Variants in RPS6KC1 observed in about 807,000 individuals in gnomAD.
The protein encoded by RPS6KC1 is ribosomal protein S6 kinase C1.
In RPS6KC1, 54 loss-of-function variants were observed where a neutral mutation model predicts 103.8. The observed-to-expected ratio is 0.52, with a 90% CI of 0.42 to 0.65. The LOEUF is 0.65. Ranked by LOEUF, RPS6KC1 falls within the 30% of genes least tolerant of loss-of-function variation. The pLI is 0.00. For missense variants in RPS6KC1, 1,151 were observed against 1,253.8 expected (o/e 0.92, Z 1.24); for synonymous variants, 439 against 438.7 (o/e 1.00, Z -0.01).
At chr1:213,246,903 C>G (rs1443429257) in intron 12 of RPS6KC1, among the ~76,000 whole-genome samples, 1 of 151,864 alleles carries the variant, frequency 6.6e-6, no homozygotes, top group African/African-American at 2.4e-5. Flanking sequence ...AAGAAAAATA[C>G]AAGAAAATGA....
chr1:213,795,671 G>A, the RPS6KC1 span, among the ~76,000 whole-genome samples: 1 of 151,952 alleles, frequency 6.6e-6, no homozygotes, highest in African/African-American at 2.4e-5. Flanking sequence ...ATTTTTTTGA[G>A]GAGAACCTTG....
chr1:213,466,412 C>T, the RPS6KC1 span, among the ~76,000 whole-genome samples: 1 of 152,108 alleles, frequency 6.6e-6, no homozygotes, highest in Non-Finnish European at 1.5e-5. Context: ...AAAGCAAACA[C>T]CAGGATCATG....
the RPS6KC1 span, among the ~76,000 whole-genome samples, chr1:213,536,364 T>C: frequency 6.6e-6 from 1 of 152,308 alleles, no homozygotes; most frequent in Non-Finnish European, 1.5e-5. Flanking sequence ...GAGGAAAAGA[T>C]AGTGTCCCTT....
At chr1:213,222,340 G>T (rs1291122446) in intron 8 of RPS6KC1, among the ~76,000 whole-genome samples, 2 of 152,074 alleles carry the variant, frequency 1.3e-5, no homozygotes, top group Non-Finnish European at 2.9e-5. Context: ...AAAATATCTT[G>T]TAGACTAGAG....
the RPS6KC1 span, among the ~76,000 whole-genome samples, chr1:213,792,987 G>A: frequency 0.17 from 26,436 of 152,088 alleles, 4,253 homozygotes; most frequent in African/African-American, 0.43. Context: ...TTGTTGATGA[G>A]AAATAAAATA....
the RPS6KC1 span, chr1:213,428,616 CTCTCTTTCTTTCTTTCG>C: frequency 3.4e-3 from 447 of 132,634 alleles, 3 homozygotes; most frequent in African/African-American, 0.012. Flanking sequence ...CCCTCCCTCT[CTCTCTTTCTTTCTTTCG>C]TCTTTCCTCT....
Position 213,167,958 on chromosome 1 carries a change from T to C in RPS6KC1, c.936T>C (p.Leu312=). The C allele has an allele frequency of 1.2e-6, 2 of 1,608,974 alleles. No homozygotes were observed. The highest frequency in any genetic ancestry group is 1.7e-6 in the Non-Finnish European group (2 of 1,175,496). ...SISSLYGKPQ[L]DDVSQPPGSL... ...CTAGTCTTTATGGGAAACCTCAGCT[T>C]GATGATGTATCTCAGGTATGTCTCA... Residue 312 remains leucine, a synonymous_variant, in exon 7 of 15, where the codon CTT becomes CTC. Coordinates refer to ENST00000366960, the MANE Select transcript of RPS6KC1 (RefSeq NM_012424.6).
chr1:213,487,147 A>G, the RPS6KC1 span, among the ~76,000 whole-genome samples: 1 of 152,320 alleles, frequency 6.6e-6, no homozygotes, highest in South Asian at 2.1e-4. Flanking sequence ...TCATGACTGT[A>G]ATCCTAGCAC....
chr1:213,622,984 A>G, the RPS6KC1 span, among the ~76,000 whole-genome samples: 51 of 152,118 alleles, frequency 3.4e-4, no homozygotes, highest in African/African-American at 1.1e-3. Context: ...AGAGGAGGTT[A>G]ATAATAGGGC....
the RPS6KC1 span, among the ~76,000 whole-genome samples, chr1:213,835,181 A>C: frequency 6.6e-6 from 1 of 152,188 alleles, no homozygotes; most frequent in Non-Finnish European, 1.5e-5. Flanking sequence ...GTCCTAGGAA[A>C]AGCCAACAGC....
In RPS6KC1 at chr1:213,272,788, C is replaced by A; in HGVS notation, c.*154C>A. 1 of 580,544 alleles carries A rather than the reference C, an allele frequency of 1.7e-6. No homozygotes were observed. The highest frequency in any genetic ancestry group is 3.1e-6 in the Non-Finnish European group (1 of 321,564). 36.0% of individuals were successfully genotyped at this position (580,544 alleles called of 1,614,324 possible). A position where few individuals can be genotyped will look rare whatever the true frequency, so the allele number is the denominator to read the frequency against. On this transcript the variant is annotated 3_prime_UTR_variant, in exon 15 of 15. Coordinates refer to ENST00000366960, the MANE Select transcript of RPS6KC1 (RefSeq NM_012424.6). Reference sequence around the variant, plus strand: ...TGGGGGGGAAATGGCTAAAAGAGAACAATTCGTTTACAATTACAAGATATT... The same window carrying A: ...TGGGGGGGAAATGGCTAAAAGAGAAAAATTCGTTTACAATTACAAGATATT...
chr1:213,628,598 G>A, the RPS6KC1 span, among the ~76,000 whole-genome samples: 2 of 152,108 alleles, frequency 1.3e-5, no homozygotes, highest in South Asian at 4.2e-4. Context: ...TTTAACATTA[G>A]GTATATCTCC....
At chr1:213,389,111 G>T in the RPS6KC1 span, among the ~76,000 whole-genome samples, 2 of 151,920 alleles carry the variant, frequency 1.3e-5, no homozygotes, top group Non-Finnish European at 2.9e-5. Flanking sequence ...GAATGGAAGT[G>T]GCTGGAGCTA....
the RPS6KC1 span, among the ~76,000 whole-genome samples, chr1:213,591,919 A>T: frequency 6.6e-6 from 1 of 152,114 alleles, no homozygotes; most frequent in East Asian, 1.9e-4. Context: ...ACATCTTGGG[A>T]TGTGTCTGCC....
the RPS6KC1 span, among the ~76,000 whole-genome samples, chr1:213,699,126 G>A: frequency 6.6e-6 from 1 of 151,960 alleles, no homozygotes; most frequent in East Asian, 1.9e-4. Flanking sequence ...ATCCGGTTGT[G>A]CTATCAAACA....
the RPS6KC1 span, among the ~76,000 whole-genome samples, chr1:213,287,359 A>G: frequency 3.3e-5 from 5 of 152,010 alleles, no homozygotes; most frequent in Admixed American, 2.0e-4. Context: ...GGCTACTGCT[A>G]GCCTTTATTG....
the RPS6KC1 span, among the ~76,000 whole-genome samples, chr1:213,573,248 G>T: frequency 6.6e-6 from 1 of 152,200 alleles, no homozygotes; most frequent in African/African-American, 2.4e-5. Flanking sequence ...CCACATTAAA[G>T]CAGGCCACTA....
At chr1:213,322,907 C>T in the RPS6KC1 span, among the ~76,000 whole-genome samples, 84 of 133,926 alleles carry the variant, frequency 6.3e-4, no homozygotes, top group African/African-American at 2.2e-3. Flanking sequence ...GCCACCATGC[C>T]CAGCTTTTTT....
chr1:213,765,935 G>A, the RPS6KC1 span, among the ~76,000 whole-genome samples: 2 of 152,164 alleles, frequency 1.3e-5, no homozygotes, highest in South Asian at 2.1e-4. Context: ...ACACTGTAGA[G>A]TTTCTGTATT....
Sources: allele counts gnomAD v4.1 joint callset (sites outside exome capture counted in the v4.1 genomes callset), GRCh38; gene constraint gnomAD v4.1.1; transcripts MANE v1.5; gene names NCBI Gene and HGNC (gene_info 2026-07-23, HGNC 2026-07-21).